VPS41: variants seen among roughly 807,000 people sequenced by gnomAD.
VPS41 encodes vacuolar protein sorting-associated protein 41 homolog.
VPS41 carries 85 observed loss-of-function variants against 130.9 expected under a neutral mutation model. The ratio of observed to expected loss-of-function variants is 0.65; its 90% CI spans 0.55 to 0.78. The LOEUF (loss-of-function observed/expected upper bound fraction) is 0.78. Among genes scored for constraint, VPS41 ranks in the 30% least tolerant of loss-of-function variants. VPS41 has a pLI of 0.00. For missense variants in VPS41, 874 were observed against 1,018.7 expected, an observed-to-expected ratio of 0.86 and a Z score of 1.93; for synonymous variants, 335 against 332.9, an observed-to-expected ratio of 1.01 and a Z score of -0.07.
At position 38,776,773 on chromosome 7, in the gene VPS41, GAC is replaced by G; in HGVS notation, c.786_787del (p.Gln264ValfsTer2). 6.3e-7 allele frequency: 1 copy of G among 1,592,604 alleles called. No individual in the cohort carries two copies. The highest frequency in any genetic ancestry group is 8.6e-7 in the Non-Finnish European group (1 of 1,161,000). ...GATGTAGAATTCAGTTTCAAACTGA[GAC>G]ACTGCAAACAAAAGGGATACAGGAG... On this transcript the variant is annotated frameshift_variant and splice_region_variant, in exon 11 of 29. Transcript: ENST00000310301. LOFTEE classifies it high-confidence loss of function.
At chr7:38,732,672 T>TA (rs1562564305) in intron 25 of VPS41, among the ~76,000 whole-genome samples, 1 of 152,120 alleles carries the variant, frequency 6.6e-6, no homozygotes, top group South Asian at 2.1e-4. Flanking sequence ...TTTGTGTTTT[T>TA]AAAAAAAAGA....
chr7:38,811,969 T>C (rs1215074515), intron 7 of VPS41, among the ~76,000 whole-genome samples: 2 of 152,112 alleles, frequency 1.3e-5, no homozygotes, highest in Non-Finnish European at 2.9e-5. Context: ...TAAATGATTT[T>C]GCCTAACTGT....
chr7:38,906,558 C>A (rs961133378), intron 1 of VPS41, among the ~76,000 whole-genome samples: 1 of 152,090 alleles, frequency 6.6e-6, no homozygotes, highest in Non-Finnish European at 1.5e-5. Context: ...AGGCTCGTCT[C>A]GAACTCCTGG....
At chr7:38,842,991 C>G (rs554488928) in intron 4 of VPS41, among the ~76,000 whole-genome samples, 10 of 152,340 alleles carry the variant, frequency 6.6e-5, no homozygotes, top group African/African-American at 2.4e-4. Context: ...GAACCACAAT[C>G]ATTCAGAGTC....
At chr7:38,772,684 A>G (rs1421377044) in intron 12 of VPS41, 47 bp from the exon 13 acceptor site, 1 of 1,375,350 alleles carries the variant, frequency 7.3e-7, no homozygotes, top group South Asian at 1.2e-5. Context: ...GAACAGCAGA[A>G]AACTTGGCAA....
intron 2 of VPS41, among the ~76,000 whole-genome samples, chr7:38,878,385 T>C (rs1190768698): frequency 6.6e-6 from 1 of 152,108 alleles, no homozygotes; most frequent in Non-Finnish European, 1.5e-5. Flanking sequence ...CTTCAAAGAA[T>C]GGAAAATTCC....
intron 11 of VPS41, among the ~76,000 whole-genome samples, chr7:38,774,630 A>C (rs868765915): frequency 6.6e-6 from 1 of 152,144 alleles, no homozygotes. Flanking sequence ...ATAGCAAAAT[A>C]AAAAAATATT....
At chr7:38,756,526 C>T (rs538636173) in intron 19 of VPS41, among the ~76,000 whole-genome samples, 5 of 152,194 alleles carry the variant, frequency 3.3e-5, no homozygotes, top group East Asian at 1.9e-4. Context: ...AAAGTATATA[C>T]GTGGTTTGTT....
At chr7:38,828,853 T>C (rs898984354) in intron 5 of VPS41, among the ~76,000 whole-genome samples, 1 of 152,192 alleles carries the variant, frequency 6.6e-6, no homozygotes, top group African/African-American at 2.4e-5. Context: ...AGCTAACATA[T>C]TCCACTTTGG....
chr7:38,884,705 AATAC>A (rs1196707535), intron 2 of VPS41, among the ~76,000 whole-genome samples: 1 of 152,190 alleles, frequency 6.6e-6, no homozygotes, highest in Non-Finnish European at 1.5e-5. Context: ...GGCTCTGAGT[AATAC>A]AATGCGCACA....
In VPS41 at chr7:38,776,759, CAGTTTCAA is replaced by C; in HGVS notation, c.794_801del (p.Phe265Ter). 6.2e-7 allele frequency: 1 copy of C among 1,608,998 alleles called. No individual in the cohort carries two copies. Among genetic ancestry groups the C allele is most frequent in the Non-Finnish European group, 8.5e-7 (1 of 1,175,698 alleles). On this transcript the variant is annotated frameshift_variant, in exon 11 of 29. Coordinates refer to ENST00000310301, the MANE Select transcript of VPS41 (RefSeq NM_014396.4). LOFTEE classifies it high-confidence loss of function. ...GGTGCAAGTCCACTGATGTAGAATT[CAGTTTCAA>C]ACTGAGACACTGCAAACAAAAGGGA...
At chr7:38,819,304 G>A (rs1785121330) in intron 6 of VPS41, among the ~76,000 whole-genome samples, 1 of 152,140 alleles carries the variant, frequency 6.6e-6, no homozygotes, top group Admixed American at 6.5e-5. Context: ...CCCTACCTAA[G>A]CTGTTGATCT....
intron 2 of VPS41, among the ~76,000 whole-genome samples, chr7:38,892,014 T>C (rs2116418256): frequency 6.6e-6 from 1 of 152,140 alleles, no homozygotes; most frequent in African/African-American, 2.4e-5. Flanking sequence ...TATTAAACAA[T>C]TAATATTATA....
intron 10 of VPS41, among the ~76,000 whole-genome samples, chr7:38,780,443 T>C (rs1784336547): frequency 6.6e-6 from 1 of 152,028 alleles, no homozygotes; most frequent in Non-Finnish European, 1.5e-5. Flanking sequence ...GATAAAAGCA[T>C]TCCTAGACAT....
chr7:38,867,784 T>A lies in VPS41; in HGVS notation c.168+1362A>T, dbSNP rs146926643. ...ATTTTTAGTGACAACTTTACCTAGG[T>A]GTGTGAGTCTATACCAGCACATGGC... On this transcript the variant is annotated intron_variant, in intron 3 of 28. Transcript: ENST00000310301. Among the ~76,000 whole-genome samples, 5 of 152,144 alleles carry A rather than the reference T, an allele frequency of 3.3e-5. No homozygotes were observed. The East Asian group carries it at 9.7e-4, about 29-fold the overall frequency.
intron 25 of VPS41, among the ~76,000 whole-genome samples, chr7:38,731,801 C>G (rs1481686419): frequency 1.3e-5 from 2 of 151,700 alleles, no homozygotes; most frequent in Admixed American, 6.6e-5. Context: ...AAACTGAAAA[C>G]AAAAAAAGAC....
At chr7:38,745,649 C>T (rs748959543) in intron 22 of VPS41, 36 bp from the exon 23 acceptor site, 23 of 1,503,258 alleles carry the variant, frequency 1.5e-5, no homozygotes, top group Middle Eastern at 1.9e-4. Context: ...TTACTATAGG[C>T]GACCAAATAA....
chr7:38,889,721 G>T (rs1786819979), intron 2 of VPS41, among the ~76,000 whole-genome samples: 1 of 151,916 alleles, frequency 6.6e-6, no homozygotes, highest in African/African-American at 2.4e-5. Context: ...GAAGATAGAA[G>T]ATAACAGAAA....
intron 4 of VPS41, among the ~76,000 whole-genome samples, chr7:38,854,393 T>C (rs185635891): frequency 6.6e-6 from 1 of 152,316 alleles, no homozygotes; most frequent in African/African-American, 2.4e-5. Context: ...TGTTCAAGGA[T>C]ACATAGCTTA....
Sources: gnomAD v4.1 joint callset for allele counts (sites outside exome capture counted in the v4.1 genomes callset) on GRCh38, gnomAD v4.1.1 for gene constraint, MANE v1.5 for transcripts, NCBI Gene and HGNC (gene_info 2026-07-23, HGNC 2026-07-21) for gene names.